The following HGF variants were observed in gnomAD, a reference collection of about 807,000 sequenced individuals.
HGF encodes the protein fibroblast-derived tumor cytotoxic factor.
HGF carries 39 observed loss-of-function variants against 111.6 expected under a neutral mutation model. That is an observed-to-expected ratio of 0.35 (90% CI 0.27 to 0.46). The LOEUF is 0.46. Among genes scored for constraint, HGF ranks in the 20% least tolerant of loss-of-function variants. HGF has a pLI of 1.00. For missense variants in HGF, 735 were observed against 910.5 expected (o/e 0.81, Z 2.48); for synonymous variants, 285 against 294.8 (o/e 0.97, Z 0.34).
At chr7:81,747,739 G>A (rs1788329963) in intron 5 of HGF, among the ~76,000 whole-genome samples, 2 of 152,104 alleles carry the variant, frequency 1.3e-5, no homozygotes, top group African/African-American at 4.8e-5. Flanking sequence ...CTAGCACTTT[G>A]GGAGGCCAAG....
At chr7:81,768,542 G>A (rs1789475115) in intron 1 of HGF, among the ~76,000 whole-genome samples, 1 of 152,008 alleles carries the variant, frequency 6.6e-6, no homozygotes, top group African/African-American at 2.4e-5. Context: ...ACCACGCCTG[G>A]CTAATTTTTT....
intron 4 of HGF, chr7:81,755,949 T>A: frequency 1.4e-6 from 1 of 696,792 alleles, no homozygotes; most frequent in Non-Finnish European, 2.6e-6. Flanking sequence ...TCTTTTTCTT[T>A]CTGTGTTGGT....
intron 7 of HGF, among the ~76,000 whole-genome samples, chr7:81,736,424 G>C (rs554382985): frequency 6.6e-6 from 1 of 151,892 alleles, no homozygotes; most frequent in African/African-American, 2.4e-5. Context: ...CTGAACAATG[G>C]CCCCAAGGCA....
At chr7:81,760,676 C>CGT (rs1407462715) in intron 2 of HGF, among the ~76,000 whole-genome samples, 9 of 89,664 alleles carry the variant, frequency 1.0e-4, no homozygotes, top group African/African-American at 2.7e-4. Flanking sequence ...TGTCTATGTG[C>CGT]GTGCGTGTGT....
At chr7:81,728,740 A>G (rs1352215024) in intron 8 of HGF, among the ~76,000 whole-genome samples, 3 of 152,188 alleles carry the variant, frequency 2.0e-5, no homozygotes, top group Non-Finnish European at 4.4e-5. Context: ...CCCCTCTCCT[A>G]TGGCGGATGG....
chr7:81,741,409 A>G (rs1474209922), intron 7 of HGF, among the ~76,000 whole-genome samples: 2 of 152,156 alleles, frequency 1.3e-5, no homozygotes, highest in African/African-American at 2.4e-5. Flanking sequence ...AAAGAAACCT[A>G]CTTAATAGCT....
Position 81,706,351 on chromosome 7 carries a change from G to C in HGF, c.1693C>G (p.Leu565Val). Residue 565 changes from leucine to valine, a missense_variant, in exon 15 of 18, where the codon CTC becomes GTC. By Grantham distance (32) the Leu-to-Val change is conservative. Transcript: ENST00000222390. ...CCATATACCAGCTGGGAAACATTGA[G>C]AACCTGTTTGCATTTCTCATCTCCT... ...GRGDEKCKQV[L>V]NVSQLVYGPE... is the part of the protein sequence containing the mutation. The C allele has an allele frequency of 6.2e-7, 1 of 1,612,000 alleles. No individual in the cohort carries two copies. Among genetic ancestry groups the C allele is most frequent in the Non-Finnish European group, 8.5e-7 (1 of 1,178,396 alleles).
chr7:81,728,716 T>C (rs540614367), intron 8 of HGF, among the ~76,000 whole-genome samples: 3 of 152,290 alleles, frequency 2.0e-5, no homozygotes, highest in African/African-American at 7.2e-5. Flanking sequence ...CACACACACA[T>C]ACAACACAAA....
Position 81,699,540 on chromosome 7 carries a change from G to T in HGF, c.*3041C>A. On this transcript the variant is annotated 3_prime_UTR_variant, in exon 18 of 18. Coordinates refer to ENST00000222390, the MANE Select transcript of HGF (RefSeq NM_000601.6). ...TTTGAATCTCAATAAATTGATTTAA[G>T]GCTTTTTAGTATAAGATCTTATTAA... is the stretch of plus-strand genomic sequence containing the variant. The T allele has an allele frequency of 6.6e-6, 1 of 151,430 alleles. No homozygotes were observed. The highest frequency in any genetic ancestry group is 1.5e-5 in the Non-Finnish European group (1 of 67,648). The allele number at this position is 151,430 out of a possible 1,614,324, so 9.4% of individuals were successfully genotyped here.
intron 2 of HGF, among the ~76,000 whole-genome samples, chr7:81,760,052 A>G (rs1301511650): frequency 6.6e-6 from 1 of 152,202 alleles, no homozygotes; most frequent in East Asian, 1.9e-4. Context: ...CAATACAATG[A>G]CAAATTCTTT....
At chr7:81,716,791 A>G (rs1789723818) in intron 11 of HGF, among the ~76,000 whole-genome samples, 1 of 152,154 alleles carries the variant, frequency 6.6e-6, no homozygotes, top group Non-Finnish European at 1.5e-5. Context: ...AAATTAAAGA[A>G]CTGAGAAGGA....
chr7:81,735,692 C>T (rs1787804470), intron 7 of HGF, among the ~76,000 whole-genome samples: 1 of 151,844 alleles, frequency 6.6e-6, no homozygotes, highest in East Asian at 1.9e-4. Context: ...GGAAACATAC[C>T]TATATTAGTC....
chr7:81,715,788 CATT>C (rs1258961766), intron 11 of HGF, among the ~76,000 whole-genome samples: 1 of 152,044 alleles, frequency 6.6e-6, no homozygotes, highest in Non-Finnish European at 1.5e-5. Context: ...TTAAAAGCAA[CATT>C]ATTATTTCTT....
chr7:81,769,857 A>G (rs752653550), intron 1 of HGF, 27 bp downstream of exon 1: 5 of 1,495,790 alleles, frequency 3.3e-6, no homozygotes, highest in Non-Finnish European at 4.6e-6. Flanking sequence ...ACTAATACTA[A>G]TAATGAAGAA....
intron 5 of HGF, 40 bp downstream of exon 5, chr7:81,752,080 G>C (rs373485369): frequency 1.2e-6 from 2 of 1,612,364 alleles, no homozygotes; most frequent in Non-Finnish European, 1.7e-6. Context: ...CTACACATAG[G>C]GGGAATAGAA....
intron 11 of HGF, 74 bp downstream of exon 11, chr7:81,717,158 T>C (rs1324102212): frequency 1.4e-6 from 2 of 1,473,724 alleles, no homozygotes; most frequent in Non-Finnish European, 1.9e-6. Flanking sequence ...ACCACCTATA[T>C]TATTTACAAC....
intron 17 of HGF, among the ~76,000 whole-genome samples, chr7:81,704,368 T>A (rs1008127520): frequency 6.6e-5 from 10 of 151,710 alleles, no homozygotes; most frequent in African/African-American, 2.2e-4. Context: ...GTTTCCCGGA[T>A]GCTTATTGCT....
At chr7:81,709,029 T>C (rs1042865093) in intron 13 of HGF, among the ~76,000 whole-genome samples, 7 of 152,174 alleles carry the variant, frequency 4.6e-5, no homozygotes, top group African/African-American at 1.7e-4. Flanking sequence ...TATAAACTCT[T>C]GCTTTCCAAT....
At chr7:81,763,086 A>G (rs1399780468) in intron 1 of HGF, 4 of 539,952 alleles carry the variant, frequency 7.4e-6, no homozygotes, top group Non-Finnish European at 1.3e-5. Context: ...TGTCATGTAG[A>G]GTCACTCATT....
Sources: gnomAD v4.1 joint callset for allele counts (sites outside exome capture counted in the v4.1 genomes callset) on GRCh38, gnomAD v4.1.1 for gene constraint, MANE v1.5 for transcripts, NCBI Gene and HGNC (gene_info 2026-07-23, HGNC 2026-07-21) for gene names.